BMAL1: variants seen among roughly 807,000 people sequenced by gnomAD.
The protein encoded by BMAL1 is basic helix-loop-helix ARNT like 1.
chr11:13,316,641 T>C, the BMAL1 span, among the ~76,000 whole-genome samples: 1 of 152,142 alleles, frequency 6.6e-6, no homozygotes, highest in Non-Finnish European at 1.5e-5. Context: ...GAAGCCCAGT[T>C]CCCTAGGGCA....
At chr11:13,296,583 C>T in the BMAL1 span, among the ~76,000 whole-genome samples, 11 of 152,230 alleles carry the variant, frequency 7.2e-5, no homozygotes, top group South Asian at 2.1e-4. Flanking sequence ...TCTACATACA[C>T]GCATGTGTGT....
the BMAL1 span, among the ~76,000 whole-genome samples, chr11:13,340,119 A>T: frequency 6.6e-6 from 1 of 152,222 alleles, no homozygotes; most frequent in South Asian, 2.1e-4. Context: ...ATTACCTGGC[A>T]TATGTGGGTT....
the BMAL1 span, chr11:13,378,175 G>A: frequency 1.6e-6 from 1 of 610,680 alleles, no homozygotes; most frequent in Admixed American, 6.3e-5. Flanking sequence ...TTTCCCTGCT[G>A]GAATGCCTTT....
At chr11:13,328,268 T>C in the BMAL1 span, among the ~76,000 whole-genome samples, 13 of 152,208 alleles carry the variant, frequency 8.5e-5, no homozygotes, top group Non-Finnish European at 1.8e-4. Flanking sequence ...GGGTTTAATA[T>C]TCTCAATTCA....
At chr11:13,347,585 A>G in the BMAL1 span, among the ~76,000 whole-genome samples, 1 of 151,594 alleles carries the variant, frequency 6.6e-6, no homozygotes, top group Non-Finnish European at 1.5e-5. Context: ...GGTGGCTCAC[A>G]CCTGTAATCT....
chr11:13,374,454 C>T, the BMAL1 span, among the ~76,000 whole-genome samples: 1 of 152,198 alleles, frequency 6.6e-6, no homozygotes, highest in Non-Finnish European at 1.5e-5. Flanking sequence ...TTCCCAGACC[C>T]TGTAAAGATT....
At chr11:13,303,792 TC>T in the BMAL1 span, among the ~76,000 whole-genome samples, 2 of 152,160 alleles carry the variant, frequency 1.3e-5, no homozygotes, top group African/African-American at 4.8e-5. Flanking sequence ...TGGCCAGAAT[TC>T]AGTCACATGT....
the BMAL1 span, among the ~76,000 whole-genome samples, chr11:13,325,098 T>C: frequency 6.6e-6 from 1 of 152,346 alleles, no homozygotes; most frequent in South Asian, 2.1e-4. Context: ...GGTATAGTGA[T>C]TCCTTTATAA....
the BMAL1 span, among the ~76,000 whole-genome samples, chr11:13,297,849 G>T: frequency 2.0e-5 from 3 of 152,296 alleles, no homozygotes; most frequent in Admixed American, 2.0e-4. Flanking sequence ...GGGACCATGA[G>T]GATAAGACTA....
At chr11:13,367,766 C>T in the BMAL1 span, among the ~76,000 whole-genome samples, 1 of 150,984 alleles carries the variant, frequency 6.6e-6, no homozygotes, top group Non-Finnish European at 1.5e-5. Context: ...CTCATTCCGG[C>T]TCCACCATTC....
the BMAL1 span, among the ~76,000 whole-genome samples, chr11:13,288,204 A>G: frequency 6.6e-6 from 1 of 152,158 alleles, no homozygotes; most frequent in East Asian, 1.9e-4. Flanking sequence ...GAATTTAAGT[A>G]TGGAAGATCA....
the BMAL1 span, chr11:13,354,304 A>AT: frequency 6.3e-7 from 1 of 1,599,374 alleles, no homozygotes; most frequent in Middle Eastern, 1.7e-4. Flanking sequence ...ATTCCAGATC[A>AT]TCCAATGGCA....
chr11:13,308,120 A>G, the BMAL1 span, among the ~76,000 whole-genome samples: 2 of 152,116 alleles, frequency 1.3e-5, no homozygotes, highest in Non-Finnish European at 2.9e-5. Flanking sequence ...TGAAGGTAAG[A>G]ACCAGTTTTA....
chr11:13,358,108 C>G, the BMAL1 span, among the ~76,000 whole-genome samples: 2 of 152,144 alleles, frequency 1.3e-5, no homozygotes, highest in Admixed American at 6.5e-5. Flanking sequence ...CCTTTCACCC[C>G]CATTTCAAAA....
At chr11:13,299,625 G>A in the BMAL1 span, among the ~76,000 whole-genome samples, 3 of 152,124 alleles carry the variant, frequency 2.0e-5, no homozygotes, top group African/African-American at 7.2e-5. Context: ...GAGGGCCCTG[G>A]GAGAGAAGCT....
chr11:13,386,611 T>C, the BMAL1 span: 1 of 1,612,410 alleles, frequency 6.2e-7, no homozygotes, highest in Non-Finnish European at 8.5e-7. Context: ...AACCCCCACA[T>C]AGGTATAGAC....
chr11:13,380,736 A>C, the BMAL1 span: 1 of 161,268 alleles, frequency 6.2e-6, no homozygotes, highest in Admixed American at 6.2e-5. Flanking sequence ...TGATCTTAGA[A>C]GTTCTCCTCC....
chr11:13,353,835 AAAAAAT>A, the BMAL1 span, among the ~76,000 whole-genome samples: 1 of 152,202 alleles, frequency 6.6e-6, no homozygotes, highest in Admixed American at 6.5e-5. Flanking sequence ...CAAAACAAAT[AAAAAAT>A]AAAAATAAAA....
At chr11:13,381,076 A>G in the BMAL1 span, 1 of 1,379,240 alleles carries the variant, frequency 7.3e-7, no homozygotes, top group Non-Finnish European at 1.0e-6. Context: ...CTAGATCTTC[A>G]TCCCCTTTCT....
Sources: allele counts gnomAD v4.1 joint callset (sites outside exome capture counted in the v4.1 genomes callset), GRCh38; gene constraint gnomAD v4.1.1; transcripts MANE v1.5; gene names NCBI Gene and HGNC (gene_info 2026-07-23, HGNC 2026-07-21).